Variants in FGF1 observed in about 807,000 individuals in gnomAD.
FGF1 encodes the protein fibroblast growth factor 1.
In FGF1, 9 loss-of-function variants were observed where a neutral mutation model predicts 13.4. That is an observed-to-expected ratio of 0.67 (90% CI 0.40 to 1.17). The LOEUF (loss-of-function observed/expected upper bound fraction) is 1.17, where lower values mean the gene tolerates loss of function less well. Among genes scored for constraint, FGF1 ranks in the 50% most tolerant of loss-of-function variants. The pLI, the probability that FGF1 is intolerant of heterozygous loss-of-function variation, is 0.01. For synonymous variants in FGF1, 93 were observed against 79.0 expected, an observed-to-expected ratio of 1.18 and a Z score of -0.94; for missense variants, 156 against 192.7, an observed-to-expected ratio of 0.81 and a Z score of 1.13.
chr5:142,667,593 A>G (rs1222608070), intron 1 of FGF1, among the ~76,000 whole-genome samples: 2 of 151,890 alleles, frequency 1.3e-5, no homozygotes, highest in African/African-American at 2.4e-5. Flanking sequence ...CTCAAAAAAA[A>G]AAAAAAAAAA....
chr5:142,667,666 A>G lies in FGF1; in HGVS notation c.-35+18291T>C, dbSNP rs149505213. Reference sequence around the variant, plus strand: ...GTCCCTCGCAGGCTGATGGGGAGAGAGAAAGGGAAGATGACAGGAGCGGCT... The same window carrying G: ...GTCCCTCGCAGGCTGATGGGGAGAGGGAAAGGGAAGATGACAGGAGCGGCT... On this transcript the variant is annotated intron_variant, in intron 1 of 3. Transcript: ENST00000337706. 1.5e-3 allele frequency among the ~76,000 whole-genome samples: 230 copies of G among 151,928 alleles called. 1 individual carries two copies. The highest frequency in any genetic ancestry group is 6.0e-3 in the East Asian group (31 of 5,158).
chr5:142,592,725 C>T lies in FGF1; in HGVS notation c.*2565G>A. 2.9e-6 allele frequency: 1 copy of T among 341,422 alleles called. No homozygotes were observed. The highest frequency in any genetic ancestry group is 5.3e-6 in the Non-Finnish European group (1 of 190,380). The allele number at this position is 341,422 out of a possible 1,614,324, so 21.1% of individuals were successfully genotyped here. ...TGATTTGAAAGCAGTCCCCCTGAAG[C>T]TGACCCGGTTCTAAAGTTGAAAATG... On this transcript the variant is annotated 3_prime_UTR_variant, in exon 4 of 4. Coordinates refer to ENST00000337706, the MANE Select transcript of FGF1 (RefSeq NM_000800.5).
chr5:142,656,192 T>G (rs1010179488), intron 1 of FGF1, among the ~76,000 whole-genome samples: 2 of 150,802 alleles, frequency 1.3e-5, no homozygotes, highest in African/African-American at 4.9e-5. Context: ...GGAACCAGTA[T>G]CTTCTTCCAA....
intron 1 of FGF1, among the ~76,000 whole-genome samples, chr5:142,661,030 T>C (rs559916251): frequency 6.6e-6 from 1 of 152,340 alleles, no homozygotes; most frequent in African/African-American, 2.4e-5. Flanking sequence ...CATTGCTTCA[T>C]ATCTGCAAAA....
intron 3 of FGF1, among the ~76,000 whole-genome samples, chr5:142,596,165 T>G (rs963572393): frequency 6.6e-5 from 10 of 152,248 alleles, no homozygotes; most frequent in Admixed American, 3.9e-4. Flanking sequence ...ATAAAAAGAA[T>G]CTTATAAATA....
chr5:142,686,955 G>A (rs566507539), upstream of FGF1, among the ~76,000 whole-genome samples: 1 of 152,310 alleles, frequency 6.6e-6, no homozygotes, highest in African/African-American at 2.4e-5. Flanking sequence ...GAGCTGTCTG[G>A]ACAAATAACT....
chr5:142,667,058 C>G (rs10063239), intron 1 of FGF1, among the ~76,000 whole-genome samples: 43,127 of 149,774 alleles, frequency 0.29, 7,062 homozygotes, highest in African/African-American at 0.46. Flanking sequence ...AAGGCAGGCG[C>G]ATCACAAGTT....
chr5:142,595,123 G>A lies in FGF1; in HGVS notation c.*167C>T, dbSNP rs780460200. 3.3e-6 allele frequency: 2 copies of A among 603,502 alleles called. No individual in the cohort carries two copies. Among genetic ancestry groups the A allele is most frequent in the Admixed American group, 3.0e-5 (1 of 33,030 alleles). The allele number at this position is 603,502 out of a possible 1,614,324, so 37.4% of individuals were successfully genotyped here. On this transcript the variant is annotated 3_prime_UTR_variant, in exon 4 of 4. Transcript: ENST00000337706. The stretch of plus-strand genomic sequence containing the variant: ...TGTTCTAAACTGTGCAGGGGTAAAA[G>A]GCTCTGCAAAGAAGTGAACTGGGCA...
At chr5:142,639,511 A>G (rs535264478) in intron 1 of FGF1, among the ~76,000 whole-genome samples, 3 of 152,114 alleles carry the variant, frequency 2.0e-5, no homozygotes, top group Admixed American at 6.5e-5. Flanking sequence ...TGTGGAATCT[A>G]AAAAAAGTCA....
intron 1 of FGF1, among the ~76,000 whole-genome samples, chr5:142,655,950 T>A (rs1443276899): frequency 6.6e-6 from 1 of 152,216 alleles, no homozygotes; most frequent in Non-Finnish European, 1.5e-5. Context: ...CAGCTTTGTT[T>A]TTCCTGAGTG....
chr5:142,639,742 G>A (rs983874276), intron 1 of FGF1, among the ~76,000 whole-genome samples: 3 of 151,938 alleles, frequency 2.0e-5, no homozygotes, highest in Non-Finnish European at 4.4e-5. Context: ...CACACAAAAC[G>A]ATAATGTTGC....
chr5:142,606,250 A>AT (rs1230205913), intron 2 of FGF1, among the ~76,000 whole-genome samples: 6,754 of 109,090 alleles, frequency 0.062, 265 homozygotes, highest in African/African-American at 0.13. Flanking sequence ...GTGTGTATGT[A>AT]GTTTTTTTTT....
chr5:142,684,956 T>G (rs1597463857), intron 1 of FGF1, among the ~76,000 whole-genome samples: 5 of 129,514 alleles, frequency 3.9e-5, no homozygotes, highest in South Asian at 2.6e-4. Flanking sequence ...GGTGGTGGGG[T>G]GGTGGGTGGA....
chr5:142,646,310 C>T (rs1230062923), intron 1 of FGF1, among the ~76,000 whole-genome samples: 1 of 148,932 alleles, frequency 6.7e-6, no homozygotes, highest in Non-Finnish European at 1.5e-5. Flanking sequence ...TCTGCTGCCT[C>T]AGCCTCCGAA....
At chr5:142,662,888 A>G (rs10062329) in intron 1 of FGF1, among the ~76,000 whole-genome samples, 45,856 of 151,962 alleles carry the variant, frequency 0.3, 7,861 homozygotes, top group African/African-American at 0.47. Context: ...CAGTGGCACA[A>G]TCTCAGCTCA....
At chr5:142,616,724 T>C (rs529086309) in intron 1 of FGF1, among the ~76,000 whole-genome samples, 31 of 152,300 alleles carry the variant, frequency 2.0e-4, no homozygotes, top group African/African-American at 7.0e-4. Flanking sequence ...CTCCACTCCC[T>C]TCTGGATCCA....
intron 1 of FGF1, among the ~76,000 whole-genome samples, chr5:142,632,385 T>C (rs1488543276): frequency 6.6e-6 from 1 of 152,212 alleles, no homozygotes. Context: ...TACTTCTCAG[T>C]ACCACTCAGA....
upstream of FGF1, among the ~76,000 whole-genome samples, chr5:142,691,018 C>T (rs1245283526): frequency 2.0e-5 from 3 of 152,222 alleles, no homozygotes; most frequent in East Asian, 5.8e-4. Flanking sequence ...AGGCCACCTG[C>T]AGCCTGACCA....
intron 2 of FGF1, among the ~76,000 whole-genome samples, chr5:142,692,743 AG>A: frequency 6.6e-6 from 1 of 152,164 alleles, no homozygotes; most frequent in East Asian, 1.9e-4. Context: ...ATTTAATTTC[AG>A]GAAGTTACAA....
Sources: gnomAD v4.1 joint callset for allele counts (sites outside exome capture counted in the v4.1 genomes callset) on GRCh38, gnomAD v4.1.1 for gene constraint, MANE v1.5 for transcripts, NCBI Gene and HGNC (gene_info 2026-07-23, HGNC 2026-07-21) for gene names.